The following CDH8 variants were observed in gnomAD, a reference collection of about 807,000 sequenced individuals.
CDH8 encodes the protein cadherin 8.
A neutral mutation model predicts 68.1 loss-of-function variants in CDH8; 17 were observed. The observed-to-expected ratio is 0.25, with a 90% CI of 0.17 to 0.37. The LOEUF (loss-of-function observed/expected upper bound fraction) is 0.37, where lower values mean the gene tolerates loss of function less well. Among genes scored for constraint, CDH8 ranks in the 10% least tolerant of loss-of-function variants. The pLI is 1.00. For synonymous variants in CDH8, 372 were observed against 365.1 expected (o/e 1.02, Z -0.21); for missense variants, 763 against 999.3 (o/e 0.76, Z 3.19).
At chr16:62,029,881 C>G (rs1902283638) in intron 1 of CDH8, among the ~76,000 whole-genome samples, 1 of 152,176 alleles carries the variant, frequency 6.6e-6, no homozygotes, top group Admixed American at 6.5e-5. Flanking sequence ...GAAACTTTAG[C>G]ATTGATGACA....
Position 62,021,551 on chromosome 16 carries a change from A to C in CDH8, c.-148T>G. 7.0e-7 allele frequency: 1 copy of C among 1,424,070 alleles called. No homozygotes were observed. The highest frequency in any genetic ancestry group is 1.4e-5 in the African/African-American group (1 of 69,908). 88.2% of individuals were successfully genotyped at this position (1,424,070 alleles called of 1,614,324 possible). On this transcript the variant is annotated 5_prime_UTR_variant, in exon 2 of 12. Transcript: ENST00000577390. ...TAGCACGGGAAACAGACATCATCTAAGCAGCTTTTCTAAGACCACAATCCA... is the reference window on the plus strand; with the variant it reads ...TAGCACGGGAAACAGACATCATCTACGCAGCTTTTCTAAGACCACAATCCA...
chr16:61,761,796 A>T (rs1960477439), intron 8 of CDH8, among the ~76,000 whole-genome samples: 1 of 152,028 alleles, frequency 6.6e-6, no homozygotes. Flanking sequence ...TAAGTTCAGG[A>T]GTTAAAGACC....
intron 8 of CDH8, among the ~76,000 whole-genome samples, chr16:61,773,296 A>AT (rs1339026019): frequency 6.6e-6 from 1 of 151,976 alleles, no homozygotes; most frequent in Non-Finnish European, 1.5e-5. Flanking sequence ...TACATACATG[A>AT]TTTTTTTGTG....
chr16:61,899,430 A>C (rs1257786702), intron 3 of CDH8, among the ~76,000 whole-genome samples: 1 of 152,130 alleles, frequency 6.6e-6, no homozygotes, highest in Non-Finnish European at 1.5e-5. Flanking sequence ...CAGCCACATT[A>C]AACAAGTGGC....
chr16:61,693,177 G>A lies in CDH8; in HGVS notation c.1654+20664C>T, dbSNP rs186867909. ...TGGAATTTAAAAAATAGGGCTTACC[G>A]GGTTAAAAAATAAAAGTATTTCCTT... On this transcript the variant is annotated intron_variant, in intron 10 of 11. Coordinates refer to ENST00000577390, the MANE Select transcript of CDH8 (RefSeq NM_001796.5). 3.9e-5 allele frequency: 6 copies of A among 152,100 alleles called. No individual in the cohort carries two copies. The East Asian group carries it at 9.7e-4, about 25-fold the overall frequency. 9.4% of individuals were successfully genotyped at this position (152,100 alleles called of 1,614,324 possible).
intron 3 of CDH8, among the ~76,000 whole-genome samples, chr16:61,858,003 C>G (rs756589813): frequency 6.6e-6 from 1 of 151,510 alleles, no homozygotes; most frequent in Non-Finnish European, 1.5e-5. Flanking sequence ...CATTTTGATG[C>G]CATTAAAAAA....
At chr16:62,028,756 G>T (rs568288244) in intron 1 of CDH8, among the ~76,000 whole-genome samples, 2 of 150,874 alleles carry the variant, frequency 1.3e-5, no homozygotes, top group East Asian at 3.9e-4. Flanking sequence ...AAAAAAACGA[G>T]TATCAGTCCC....
intron 7 of CDH8, among the ~76,000 whole-genome samples, chr16:61,800,290 G>A (rs1567476117): frequency 6.6e-6 from 1 of 152,194 alleles, no homozygotes; most frequent in East Asian, 1.9e-4. Flanking sequence ...TAAACGCAAT[G>A]TCTACCCACA....
At chr16:61,725,130 A>G (rs904789699) in intron 9 of CDH8, 1 of 151,024 alleles carries the variant, frequency 6.6e-6, no homozygotes, top group Non-Finnish European at 1.5e-5. Context: ...TAGCACACAT[A>G]CACACAACAT....
Position 61,653,468 on chromosome 16 carries a change from C to A in CDH8, c.*140G>T, listed in dbSNP as rs191960994. 6.9e-7 allele frequency: 1 copy of A among 1,450,152 alleles called. No individual in the cohort carries two copies. Among genetic ancestry groups the A allele is most frequent in the Non-Finnish European group, 9.1e-7 (1 of 1,101,942 alleles). 89.8% of individuals were successfully genotyped at this position (1,450,152 alleles called of 1,614,324 possible). On this transcript the variant is annotated 3_prime_UTR_variant, in exon 12 of 12. Coordinates refer to ENST00000577390, the MANE Select transcript of CDH8 (RefSeq NM_001796.5). ...ATTTTATTATCTTTTTTTGGTTCAA[C>A]ATTAAAATGTGGTTGAGTTTATAGA...
chr16:61,817,392 A>T, intron 7 of CDH8, 87 bp downstream of exon 7: 1 of 1,293,044 alleles, frequency 7.7e-7, no homozygotes, highest in African/African-American at 1.5e-5. Context: ...TCCCAAGGAG[A>T]GCCCCACAGA....
intron 7 of CDH8, among the ~76,000 whole-genome samples, chr16:61,817,039 C>T (rs1047334611): frequency 2.6e-5 from 4 of 151,994 alleles, no homozygotes; most frequent in Admixed American, 1.3e-4. Context: ...ACTATGGTCT[C>T]GTGCCTCTAA....
chr16:61,692,023 G>A (rs1596871129), intron 10 of CDH8: 1 of 152,040 alleles, frequency 6.6e-6, no homozygotes. Flanking sequence ...TAAGGGTTGG[G>A]TACCCATATA....
chr16:61,981,567 C>T (rs937916111), intron 2 of CDH8, among the ~76,000 whole-genome samples: 2 of 152,070 alleles, frequency 1.3e-5, no homozygotes, highest in Non-Finnish European at 2.9e-5. Flanking sequence ...CAGAGTAATC[C>T]CTTCACTTTT....
At chr16:61,767,261 T>C (rs1960618588) in intron 8 of CDH8, among the ~76,000 whole-genome samples, 1 of 151,982 alleles carries the variant, frequency 6.6e-6, no homozygotes, top group Non-Finnish European at 1.5e-5. Context: ...TTTGTATCAC[T>C]AGAATCAATC....
chr16:61,931,101 A>C (rs1347218693), intron 2 of CDH8, among the ~76,000 whole-genome samples: 2 of 152,218 alleles, frequency 1.3e-5, no homozygotes, highest in African/African-American at 4.8e-5. Flanking sequence ...GTGAGATATA[A>C]ACGTACAGTA....
chr16:61,721,627 TGGTCACAGGAATG>T (rs1959218371), intron 9 of CDH8, among the ~76,000 whole-genome samples: 1 of 148,580 alleles, frequency 6.7e-6, no homozygotes, highest in South Asian at 2.1e-4. Flanking sequence ...AGAATGTCAT[TGGTCACAGGAATG>T]TATTGTTTTC....
intron 4 of CDH8, among the ~76,000 whole-genome samples, chr16:61,839,959 C>T (rs1962647675): frequency 6.6e-6 from 1 of 152,074 alleles, no homozygotes; most frequent in South Asian, 2.1e-4. Context: ...TGCTTTTGTT[C>T]CTAATTTTTG....
At chr16:61,674,842 T>G (rs901709650) in intron 10 of CDH8, among the ~76,000 whole-genome samples, 1 of 151,802 alleles carries the variant, frequency 6.6e-6, no homozygotes, top group Non-Finnish European at 1.5e-5. Context: ...TTTTAGTTGG[T>G]TGCTTTATCA....
Sources: gnomAD v4.1 joint callset for allele counts (sites outside exome capture counted in the v4.1 genomes callset) on GRCh38, gnomAD v4.1.1 for gene constraint, MANE v1.5 for transcripts, NCBI Gene and HGNC (gene_info 2026-07-23, HGNC 2026-07-21) for gene names.